SVIL: variants seen among roughly 807,000 people sequenced by gnomAD.
SVIL encodes archvillin.
A neutral mutation model predicts 240.4 loss-of-function variants in SVIL; 101 were observed. The observed-to-expected ratio is 0.42, with a 90% CI of 0.36 to 0.50. The LOEUF (loss-of-function observed/expected upper bound fraction) is 0.50, where lower values mean the gene tolerates loss of function less well. Among genes scored for constraint, SVIL ranks in the 20% least tolerant of loss-of-function variants. The pLI is 0.01. For synonymous variants in SVIL, 999 were observed against 1,100.0 expected (o/e 0.91, Z 1.82); for missense variants, 2,512 against 2,818.7 (o/e 0.89, Z 2.46).
In SVIL at chr10:29,522,472, G is replaced by C. The variant is rs767257078; in HGVS notation, c.3327C>G (p.Ile1109Met). The C allele has an allele frequency of 3.7e-6, 6 of 1,614,164 alleles. No homozygotes were observed. Among genetic ancestry groups the C allele is most frequent in the Non-Finnish European group, 5.1e-6 (6 of 1,180,042 alleles). The change falls in exon 16 of 38, where the codon ATC (isoleucine) becomes ATG (methionine). Residue 1109 changes from isoleucine to methionine, a missense_variant. By Grantham distance (10) the Ile-to-Met change is conservative (BLOSUM62 1). Coordinates refer to ENST00000355867, the MANE Select transcript of SVIL (RefSeq NM_021738.3). Reference protein sequence around the residue: ...NPCAMFAAGEIKTPTGEGLLD... With the variant: ...NPCAMFAAGEMKTPTGEGLLD... ...GAAGGCCCTCCCCTGTCGGCGTTTT[G>C]ATCTCTCCAGCAGCAAACATCGCAC...
At position 29,463,535 on chromosome 10, in the gene SVIL, G is replaced by A. The variant is rs75109553; in HGVS notation, c.6234C>T (p.Ser2078=). Residue 2078 remains serine, a synonymous_variant, in exon 35 of 38, where the codon TCC becomes TCT. Transcript: ENST00000355867. ...ITGSARIRWA[S]DRKSAMETVL... ...CAGTCTCCATCGCACTCTTCCGGTC[G>A]GAGGCCCAGCGGATGCGGGCGGAAC... is the stretch of plus-strand genomic sequence containing the variant. 3.8e-4 allele frequency: 609 copies of A among 1,614,082 alleles called. 6 individuals carry two copies. The South Asian group carries it at 3.8e-3, about 10-fold the overall frequency.
intron 1 of SVIL, among the ~76,000 whole-genome samples, chr10:29,710,201 GCGCCACCA>G (rs1963181892): frequency 6.6e-6 from 1 of 151,914 alleles, no homozygotes; most frequent in African/African-American, 2.4e-5. Flanking sequence ...CTACAGGTGC[GCGCCACCA>G]TGCCCGGCTA....
chr10:29,481,793 A>G, intron 27 of SVIL, 65 bp from the exon 28 acceptor site: 2 of 1,557,894 alleles, frequency 1.3e-6, no homozygotes, highest in Non-Finnish European at 1.7e-6. Context: ...CCAAGCTTAA[A>G]CAAAGGAATC....
At chr10:29,481,431 AGAG>A (rs1253953375) in intron 28 of SVIL, among the ~76,000 whole-genome samples, 150 bp downstream of exon 28, 2 of 152,098 alleles carry the variant, frequency 1.3e-5, no homozygotes, top group Non-Finnish European at 2.9e-5. Flanking sequence ...CAAAATAGCT[AGAG>A]GAGAAGATTT....
intron 1 of SVIL, among the ~76,000 whole-genome samples, chr10:29,693,500 A>C (rs983190915): frequency 6.6e-6 from 1 of 152,172 alleles, no homozygotes; most frequent in Non-Finnish European, 1.5e-5. Context: ...TTTGCGTTGA[A>C]AGGGCAGTAA....
At chr10:29,544,814 T>A (rs947352178) in intron 6 of SVIL, among the ~76,000 whole-genome samples, 10 of 132,140 alleles carry the variant, frequency 7.6e-5, no homozygotes, top group Non-Finnish European at 1.5e-4. Flanking sequence ...AAGAACAGGA[T>A]GAAATGAAAA....
chr10:29,709,885 AT>A (rs1312496070), intron 1 of SVIL, among the ~76,000 whole-genome samples: 1 of 152,080 alleles, frequency 6.6e-6, no homozygotes, highest in African/African-American at 2.4e-5. Flanking sequence ...GGTATCCCAC[AT>A]GGGCTAGCAT....
chr10:29,543,061 A>G (rs1258142057), intron 6 of SVIL, among the ~76,000 whole-genome samples: 2 of 152,208 alleles, frequency 1.3e-5, no homozygotes, highest in Non-Finnish European at 2.9e-5. Flanking sequence ...GACTCCAAAA[A>G]TGGTCCCAGT....
chr10:29,481,768 A>G, intron 27 of SVIL, 40 bp from the exon 28 acceptor site: 8 of 1,597,718 alleles, frequency 5.0e-6, no homozygotes, highest in Non-Finnish European at 6.8e-6. Flanking sequence ...AGACAGGAAA[A>G]GAACCAAGAT....
At chr10:29,635,541 C>T (rs1314752045), upstream of SVIL, among the ~76,000 whole-genome samples, 1 of 152,230 alleles carries the variant, frequency 6.6e-6, no homozygotes, top group Non-Finnish European at 1.5e-5. Flanking sequence ...GTCCTCTGAA[C>T]TGGCAAGATC....
At chr10:29,573,977 T>C (rs1955569031) in intron 1 of SVIL, among the ~76,000 whole-genome samples, 1 of 152,200 alleles carries the variant, frequency 6.6e-6, no homozygotes, top group Non-Finnish European at 1.5e-5. Flanking sequence ...ATTACAGGTG[T>C]GAGCCACCGC....
intron 17 of SVIL, among the ~76,000 whole-genome samples, chr10:29,506,123 C>T (rs1949256147): frequency 6.6e-6 from 1 of 152,070 alleles, no homozygotes; most frequent in Non-Finnish European, 1.5e-5. Flanking sequence ...CCAAGTATCC[C>T]TAGTTGGTTG....
At chr10:29,696,515 C>T (rs1212439170) in intron 1 of SVIL, among the ~76,000 whole-genome samples, 6 of 147,076 alleles carry the variant, frequency 4.1e-5, no homozygotes, top group Non-Finnish European at 7.6e-5. Flanking sequence ...AGGAGCGCCT[C>T]GTCCCGGCCA....
rs1244073974 is a variant in SVIL at position 29,526,317 on chromosome 10, T to C, written c.2342+644A>G. ...TTTTTTTCTCTTTCTTTTTTTTTTT[T>C]TTTTTTGAGACAGAGTCTTGCTCTG... On this transcript the variant is annotated intron_variant, in intron 13 of 37. Coordinates refer to ENST00000355867, the MANE Select transcript of SVIL (RefSeq NM_021738.3). 3.4e-5 allele frequency among the ~76,000 whole-genome samples: 5 copies of C among 147,564 alleles called. No individual in the cohort carries two copies. The East Asian group carries it at 9.7e-4, about 29-fold the overall frequency.
At chr10:29,697,077 G>A (rs549368465) in intron 1 of SVIL, among the ~76,000 whole-genome samples, 5 of 119,198 alleles carry the variant, frequency 4.2e-5, no homozygotes, top group Admixed American at 8.3e-5. Flanking sequence ...GCCTCTGCCC[G>A]GCCACCCCTA....
intron 2 of SVIL, among the ~76,000 whole-genome samples, chr10:29,567,138 C>T (rs755129557): frequency 3.9e-5 from 6 of 152,126 alleles, no homozygotes; most frequent in Non-Finnish European, 7.3e-5. Context: ...CCTTCCTCTG[C>T]TTCTAAGAAG....
At position 29,481,266 on chromosome 10, in the gene SVIL, A is replaced by G. The variant is rs1009014587; in HGVS notation, c.5100+318T>C. 3.3e-5 allele frequency among the ~76,000 whole-genome samples: 5 copies of G among 151,360 alleles called. No homozygotes were observed. In the South Asian group the frequency reaches 8.4e-4, roughly 25 times the overall value. ...TATGATTCGATGTGTTGATACATGC[A>G]TCTGTTTTATGGGGAAGGGGGTGTG... On this transcript the variant is annotated intron_variant, in intron 28 of 37. Transcript: ENST00000355867.
At chr10:29,627,745 C>A (rs764331864) in intron 1 of SVIL, among the ~76,000 whole-genome samples, 2 of 152,194 alleles carry the variant, frequency 1.3e-5, no homozygotes, top group African/African-American at 2.4e-5. Context: ...ATGGGAGAAT[C>A]CTGTGTTGGG....
intron 1 of SVIL, among the ~76,000 whole-genome samples, chr10:29,620,996 G>A (rs1050817248): frequency 1.1e-4 from 16 of 145,382 alleles, no homozygotes; most frequent in East Asian, 6.0e-4. Context: ...TAGATATGGC[G>A]TCTCACTATA....
Sources: gnomAD v4.1 joint callset for allele counts (sites outside exome capture counted in the v4.1 genomes callset) on GRCh38, gnomAD v4.1.1 for gene constraint, MANE v1.5 for transcripts, NCBI Gene and HGNC (gene_info 2026-07-23, HGNC 2026-07-21) for gene names.